COG7: variants seen among roughly 807,000 people sequenced by gnomAD.
The protein encoded by COG7 is conserved oligomeric Golgi complex subunit 7.
In COG7, 49 loss-of-function variants were observed where a neutral mutation model predicts 91.5. The ratio of observed to expected loss-of-function variants is 0.54; its 90% CI spans 0.43 to 0.68. The LOEUF (loss-of-function observed/expected upper bound fraction) is 0.68, where lower values mean the gene tolerates loss of function less well. COG7 is among the 30% of genes least tolerant of loss of function. The probability of loss-of-function intolerance (pLI) is 0.00; values close to 1 mark genes in which losing one functional copy is unlikely to be tolerated. For missense variants in COG7, 895 were observed against 961.3 expected, an observed-to-expected ratio of 0.93 and a Z score of 0.91; for synonymous variants, 365 against 388.7, an observed-to-expected ratio of 0.94 and a Z score of 0.72.
chr16:23,392,206 C>G (rs989597204), intron 16 of COG7, 174 bp downstream of exon 16: 60 of 1,500,266 alleles, frequency 4.0e-5, no homozygotes, highest in Admixed American at 2.2e-4. Flanking sequence ...CTTGCTAAGT[C>G]AGAATCTCTG....
intron 10 of COG7, 72 bp from the exon 11 acceptor site, chr16:23,410,432 A>C (rs572636185): frequency 6.3e-6 from 8 of 1,279,970 alleles, no homozygotes; most frequent in Non-Finnish European, 9.0e-6. Context: ...ACATTGTCTT[A>C]TTCATAAAAA....
chr16:23,453,169 T>G lies in COG7; in HGVS notation c.-175A>C, dbSNP rs1750726043. On this transcript the variant is annotated 5_prime_UTR_variant, in exon 1 of 17. Transcript: ENST00000307149. ...CGCTTCCCCGCTCAGCGCACTCAGT[T>G]TGCGGCTGGGAATGACCCTCGCCGC... The G allele has an allele frequency of 7.1e-7, 1 of 1,404,764 alleles. No individual in the cohort carries two copies. The highest frequency in any genetic ancestry group is 1.4e-5 in the African/African-American group (1 of 69,134). 87.0% of individuals were successfully genotyped at this position (1,404,764 alleles called of 1,614,324 possible).
intron 1 of COG7, among the ~76,000 whole-genome samples, chr16:23,448,320 TAAC>T (rs1238371742): frequency 6.6e-6 from 1 of 152,164 alleles, no homozygotes; most frequent in Admixed American, 6.6e-5. Context: ...TCTCTAATAA[TAAC>T]ACTACTAATT....
At chr16:23,430,610 C>T (rs1963919432) in intron 6 of COG7, among the ~76,000 whole-genome samples, 1 of 151,472 alleles carries the variant, frequency 6.6e-6, no homozygotes, top group Non-Finnish European at 1.5e-5. Context: ...GGCACAATCT[C>T]GGCTCACAGC....
At chr16:23,412,133 G>A (rs1963573571) in intron 10 of COG7, among the ~76,000 whole-genome samples, 1 of 152,080 alleles carries the variant, frequency 6.6e-6, no homozygotes, top group Non-Finnish European at 1.5e-5. Context: ...CACCTACCTC[G>A]ACCTCCCAAA....
chr16:23,445,509 C>T (rs1487677949), intron 2 of COG7, among the ~76,000 whole-genome samples: 2 of 152,022 alleles, frequency 1.3e-5, no homozygotes, highest in East Asian at 1.9e-4. Context: ...AAAAATCAGC[C>T]GGGCATGGTG....
chr16:23,392,193 G>A (rs760180003), intron 16 of COG7, 187 bp downstream of exon 16: 14 of 1,482,356 alleles, frequency 9.4e-6, no homozygotes, highest in Admixed American at 2.1e-5. Context: ...GCTTCAGCCC[G>A]GTCTTGCTAA....
chr16:23,415,029 A>C (rs1043391202), intron 9 of COG7: 1 of 152,314 alleles, frequency 6.6e-6, no homozygotes, highest in South Asian at 2.1e-4. Flanking sequence ...AAACGGCTTC[A>C]GGTCACTCCA....
chr16:23,409,437 C>T (rs1249545250), intron 11 of COG7, among the ~76,000 whole-genome samples: 1 of 152,156 alleles, frequency 6.6e-6, no homozygotes, highest in African/African-American at 2.4e-5. Flanking sequence ...ATTTTCCTAG[C>T]ACCCATTACT....
chr16:23,433,151 G>A (rs1045872651), intron 6 of COG7, among the ~76,000 whole-genome samples: 1 of 152,138 alleles, frequency 6.6e-6, no homozygotes, highest in Non-Finnish European at 1.5e-5. Flanking sequence ...TGTTGTCCAA[G>A]CTGAAGTGTA....
At chr16:23,393,136 G>T in intron 15 of COG7, 97 bp downstream of exon 15, 2 of 846,390 alleles carry the variant, frequency 2.4e-6, no homozygotes, top group Non-Finnish European at 2.0e-6. Flanking sequence ...ACAGGACTTG[G>T]TGACAAATGA....
intron 10 of COG7, among the ~76,000 whole-genome samples, chr16:23,410,855 G>A (rs959795921): frequency 2.6e-5 from 4 of 152,150 alleles, no homozygotes; most frequent in South Asian, 2.1e-4. Flanking sequence ...ACAGGCGCAC[G>A]CCACCACGCC....
intron 7 of COG7, 115 bp from the exon 8 acceptor site, chr16:23,418,942 G>A: frequency 1.1e-6 from 1 of 894,322 alleles, no homozygotes; most frequent in Non-Finnish European, 1.8e-6. Context: ...TCTCCAGAGG[G>A]GACTATATTT....
At chr16:23,412,614 C>T (rs1963583063) in intron 10 of COG7, 1 of 152,264 alleles carries the variant, frequency 6.6e-6, no homozygotes, top group Admixed American at 6.5e-5. Flanking sequence ...CCTAGTGGCC[C>T]ACAGGCCACA....
At chr16:23,448,897 T>C (rs1264735809) in intron 1 of COG7, among the ~76,000 whole-genome samples, 1 of 152,222 alleles carries the variant, frequency 6.6e-6, no homozygotes, top group African/African-American at 2.4e-5. Context: ...CTGTCAGGTT[T>C]AAATTAGATA....
intron 14 of COG7, among the ~76,000 whole-genome samples, chr16:23,394,408 GT>G (rs1963251040): frequency 6.6e-6 from 1 of 151,912 alleles, no homozygotes; most frequent in African/African-American, 2.4e-5. Flanking sequence ...ATTGTTTTGT[GT>G]TTTAAGGTTA....
intron 14 of COG7, among the ~76,000 whole-genome samples, chr16:23,396,437 G>A (rs1963286126): frequency 6.6e-6 from 1 of 152,188 alleles, no homozygotes; most frequent in African/African-American, 2.4e-5. Flanking sequence ...TCAGCACTTT[G>A]GGAGGCCAAG....
intron 11 of COG7, among the ~76,000 whole-genome samples, chr16:23,408,381 G>A (rs1963503473): frequency 1.5e-5 from 1 of 67,800 alleles, no homozygotes. Flanking sequence ...TAGGGGACGA[G>A]TGGGGCGGGA....
rs145828237 is a variant in COG7 at position 23,444,453 on chromosome 16, C to T, written c.435+595G>A. On this transcript the variant is annotated intron_variant, in intron 3 of 16. Coordinates refer to ENST00000307149, the MANE Select transcript of COG7 (RefSeq NM_153603.4). Reference sequence around the variant, plus strand: ...AAGGCTCCCCTTTCCCCATGTTCCACCCTCTCGTCCATTTACCCCCAACCT... The same window carrying T: ...AAGGCTCCCCTTTCCCCATGTTCCATCCTCTCGTCCATTTACCCCCAACCT... Among the ~76,000 whole-genome samples the T allele has an allele frequency of 6.5e-3, 993 of 151,916 alleles. 15 individuals are homozygous for T. Among genetic ancestry groups the T allele is most frequent in the African/African-American group, 0.023 (957 of 41,482 alleles).
Sources: gnomAD v4.1 joint callset for allele counts (sites outside exome capture counted in the v4.1 genomes callset) on GRCh38, gnomAD v4.1.1 for gene constraint, MANE v1.5 for transcripts, NCBI Gene and HGNC (gene_info 2026-07-23, HGNC 2026-07-21) for gene names.